HNF4A: variants seen among roughly 807,000 people sequenced by gnomAD.
The protein encoded by HNF4A is hepatocyte nuclear factor 4 alpha.
Under a neutral mutation model 52.4 loss-of-function variants are expected in HNF4A, and 15 were observed. That is an observed-to-expected ratio of 0.29 (90% CI 0.19 to 0.44). The LOEUF (loss-of-function observed/expected upper bound fraction) is 0.44, where lower values mean the gene tolerates loss of function less well. Ranked by LOEUF, HNF4A falls within the 20% of genes least tolerant of loss-of-function variation. The pLI is 1.00. For synonymous variants in HNF4A, 280 were observed against 264.4 expected (o/e 1.06, Z -0.57); for missense variants, 479 against 647.2 (o/e 0.74, Z 2.82).
chr20:44,366,233 G>C (rs1029089627), intron 1 of HNF4A, among the ~76,000 whole-genome samples: 2 of 152,150 alleles, frequency 1.3e-5, no homozygotes, highest in African/African-American at 2.4e-5. Context: ...TTTTATTTAT[G>C]TATATTTATG....
intron 1 of HNF4A, chr20:44,390,570 G>A (rs1400606532): frequency 1.0e-5 from 7 of 701,708 alleles, no homozygotes; most frequent in South Asian, 3.0e-5. Context: ...TGCTGAGAGG[G>A]GCCAGCAGGA....
chr20:44,408,523 G>A (rs371972037), intron 3 of HNF4A, among the ~76,000 whole-genome samples: 4 of 152,048 alleles, frequency 2.6e-5, no homozygotes, highest in African/African-American at 7.2e-5. Context: ...TCAAGAGTTC[G>A]AGACCATCCT....
intron 1 of HNF4A, among the ~76,000 whole-genome samples, chr20:44,405,808 C>T (rs2063491503): frequency 6.6e-6 from 1 of 152,184 alleles, no homozygotes; most frequent in Non-Finnish European, 1.5e-5. Context: ...AAAGCTGGGG[C>T]TCGTGGCCTC....
In HNF4A at chr20:44,432,489, A is replaced by G. The variant is rs2063890669; in HGVS notation, c.*2824A>G. 1 of 150,542 alleles carries G rather than the reference A, an allele frequency of 6.6e-6. No homozygotes were observed. Among genetic ancestry groups the G allele is most frequent in the Admixed American group, 6.6e-5 (1 of 15,058 alleles). The allele number at this position is 150,542 out of a possible 1,614,324, so 9.3% of individuals were successfully genotyped here. On this transcript the variant is annotated 3_prime_UTR_variant, in exon 10 of 10. Transcript: ENST00000316099. The stretch of plus-strand genomic sequence containing the variant: ...CCCTGATCTTCAGGCGGGTCTCAGG[A>G]GCTTCTAAAAATCCGCATGGCTCTC...
chr20:44,419,655 C>T (rs1471825746), intron 6 of HNF4A, 66 bp from the exon 7 acceptor site: 1 of 1,546,586 alleles, frequency 6.5e-7, no homozygotes, highest in Non-Finnish European at 8.9e-7. Flanking sequence ...ACTTAAAAGC[C>T]AAAACTAGAG....
intron 1 of HNF4A, among the ~76,000 whole-genome samples, chr20:44,374,550 GC>G (rs2063065715): frequency 6.6e-6 from 1 of 152,078 alleles, no homozygotes; most frequent in African/African-American, 2.4e-5. Flanking sequence ...TGCAACCTCT[GC>G]CTCCCAGGTT....
At chr20:44,385,135 A>C (rs1480437766) in intron 1 of HNF4A, among the ~76,000 whole-genome samples, 1 of 123,164 alleles carries the variant, frequency 8.1e-6, no homozygotes, top group Non-Finnish European at 1.6e-5. Context: ...TGGCTGAGCT[A>C]GGGTTTGGTT....
intron 1 of HNF4A, among the ~76,000 whole-genome samples, chr20:44,365,498 A>G (rs1211241019): frequency 1.3e-5 from 2 of 152,146 alleles, no homozygotes; most frequent in South Asian, 2.1e-4. Context: ...AAATGTTTCA[A>G]TAAAAAAGTG....
In HNF4A at chr20:44,419,810, T is replaced by C. The variant is rs1188828736; in HGVS notation, c.826T>C (p.Phe276Leu). ...CATCCTTGACGAGCTGGTGCTGCCC[T>C]TCCAGGAGCTGCAGATCGATGACAA... Residue 276 changes from phenylalanine to leucine, a missense_variant, in exon 7 of 10, where the codon TTC (phenylalanine) becomes CTC (leucine). This residue lies in a region of HNF4A where 389 missense variants were observed against 525.1 expected (regional missense o/e 0.74). Coordinates refer to ENST00000316099, the MANE Select transcript of HNF4A (RefSeq NM_000457.6). 1.9e-6 allele frequency: 3 copies of C among 1,613,700 alleles called. No individual in the cohort carries two copies. Among genetic ancestry groups the C allele is most frequent in the African/African-American group, 1.3e-5 (1 of 74,916 alleles).
At chr20:44,424,687 G>C in intron 8 of HNF4A, 3 of 1,115,456 alleles carry the variant, frequency 2.7e-6, no homozygotes, top group Middle Eastern at 7.2e-4. Context: ...GAGGCCACAG[G>C]AGACCTCTCT....
intron 4 of HNF4A, among the ~76,000 whole-genome samples, chr20:44,414,225 C>A (rs901839256): frequency 6.6e-6 from 1 of 152,124 alleles, no homozygotes; most frequent in African/African-American, 2.4e-5. Flanking sequence ...GATTTTTTGC[C>A]CTGCTTCTCC....
intron 3 of HNF4A, among the ~76,000 whole-genome samples, chr20:44,410,562 G>T (rs1161735515): frequency 6.6e-6 from 1 of 151,788 alleles, no homozygotes; most frequent in Admixed American, 6.6e-5. Context: ...CTGGCCAGGA[G>T]AGTTGGGACA....
At chr20:44,426,815 C>G (rs923472652) in intron 8 of HNF4A, among the ~76,000 whole-genome samples, 1 of 152,012 alleles carries the variant, frequency 6.6e-6, no homozygotes, top group Non-Finnish European at 1.5e-5. Context: ...TCAACAACAA[C>G]AACAAAAGGA....
At chr20:44,399,846 G>A (rs1368185076), upstream of HNF4A, among the ~76,000 whole-genome samples, 2 of 151,978 alleles carry the variant, frequency 1.3e-5, no homozygotes, top group African/African-American at 2.4e-5. Flanking sequence ...TCATTAATTG[G>A]TGCTCCCACT....
In HNF4A at chr20:44,430,938, A is replaced by C. The variant is rs1045719151; in HGVS notation, c.*1273A>C. The C allele has an allele frequency of 6.6e-6, 1 of 151,890 alleles. No homozygotes were observed. Among genetic ancestry groups the C allele is most frequent in the Non-Finnish European group, 1.5e-5 (1 of 67,932 alleles). The allele number at this position is 151,890 out of a possible 1,614,324, so 9.4% of individuals were successfully genotyped here. On this transcript the variant is annotated 3_prime_UTR_variant, in exon 10 of 10. Coordinates refer to ENST00000316099, the MANE Select transcript of HNF4A (RefSeq NM_000457.6). ...CAGGCACTGTCTTAAGGCATCTGAC[A>C]TGCATCATCTCATTTAATCCTCCCT... is the stretch of plus-strand genomic sequence containing the variant.
Position 44,414,567 on chromosome 20 carries a change from G to A in HNF4A, c.553G>A (p.Ala185Thr), listed in dbSNP as rs754907741. The stretch of plus-strand genomic sequence containing the variant: ...TCGGGCGAAGAAGATTGCCAGCATC[G>A]CAGATGTGTGTGAGTCCATGAAGGA... Residue 185 changes from alanine (A) to threonine (T), a missense_variant, in exon 5 of 10, where the codon GCA (alanine) becomes ACA (threonine). Coordinates refer to ENST00000316099, the MANE Select transcript of HNF4A (RefSeq NM_000457.6). 5.6e-6 allele frequency: 9 copies of A among 1,614,094 alleles called. No individual in the cohort carries two copies. Among genetic ancestry groups the A allele is most frequent in the South Asian group, 4.4e-5 (4 of 91,090 alleles).
intron 3 of HNF4A, among the ~76,000 whole-genome samples, chr20:44,411,075 C>G (rs1408079683): frequency 6.6e-6 from 1 of 152,216 alleles, no homozygotes; most frequent in Non-Finnish European, 1.5e-5. Context: ...AGACAGACAC[C>G]TGCCTTGGCC....
intron 1 of HNF4A, among the ~76,000 whole-genome samples, chr20:44,369,730 G>T (rs2063012108): frequency 6.6e-6 from 1 of 152,066 alleles, no homozygotes; most frequent in Admixed American, 6.6e-5. Flanking sequence ...GCAGTGGCAT[G>T]ATCTTGGCTC....
At chr20:44,428,275 C>T (rs1397513485) in intron 8 of HNF4A, 60 bp from the exon 9 acceptor site, 11 of 1,588,938 alleles carry the variant, frequency 6.9e-6, no homozygotes, top group Non-Finnish European at 9.5e-6. Context: ...AAGATGGCGT[C>T]CCAAGGCCTG....
Sources: allele counts gnomAD v4.1 joint callset (sites outside exome capture counted in the v4.1 genomes callset), GRCh38; gene constraint gnomAD v4.1.1; regional missense constraint gnomAD v4.1.1; transcripts MANE v1.5; gene names NCBI Gene and HGNC (gene_info 2026-07-23, HGNC 2026-07-21).